Variants in EIPR1 observed in about 807,000 individuals in gnomAD.
EIPR1 encodes EARP complex and GARP complex interacting protein 1, also known as EARP and GARP complex-interacting protein 1.
A neutral mutation model predicts 48.1 loss-of-function variants in EIPR1; 25 were observed. The observed-to-expected ratio is 0.52, with a 90% CI of 0.38 to 0.73. EIPR1 has a LOEUF of 0.73. EIPR1 is among the 30% of genes least tolerant of loss of function. The pLI is 0.00. For missense variants in EIPR1, 415 were observed against 506.2 expected, an observed-to-expected ratio of 0.82 and a Z score of 1.73; for synonymous variants, 204 against 201.9, an observed-to-expected ratio of 1.01 and a Z score of -0.09.
chr2:3,189,584 G>A lies in EIPR1; in HGVS notation c.990-76C>T. Reference sequence around the variant, plus strand: ...CAGGAGAGGGGCAGGGAGGACGCGAGCGCTGACATCGGGAGACACGGGAGG... The same window carrying A: ...CAGGAGAGGGGCAGGGAGGACGCGAACGCTGACATCGGGAGACACGGGAGG... On this transcript the variant is annotated intron_variant, in intron 8 of 8. Coordinates refer to ENST00000382125, the MANE Select transcript of EIPR1 (RefSeq NM_003310.5). The surrounding 1 kb of genome is among the most constrained non-coding windows in gnomAD (Gnocchi z 4.6). 1 of 1,388,762 alleles carries A rather than the reference G, an allele frequency of 7.2e-7. No homozygotes were observed. Among genetic ancestry groups the A allele is most frequent in the Non-Finnish European group, 9.6e-7 (1 of 1,041,008 alleles). 86.0% of individuals were successfully genotyped at this position (1,388,762 alleles called of 1,614,324 possible).
intron 3 of EIPR1, among the ~76,000 whole-genome samples, chr2:3,322,507 A>C (rs1572441748): frequency 6.6e-6 from 1 of 152,354 alleles, no homozygotes; most frequent in East Asian, 1.9e-4. Flanking sequence ...TACAAAGTTC[A>C]GGTGTCAGAG....
intron 4 of EIPR1, among the ~76,000 whole-genome samples, chr2:3,217,430 A>C (rs1665675862): frequency 1.3e-5 from 2 of 152,360 alleles, no homozygotes; most frequent in South Asian, 4.1e-4. Flanking sequence ...TTGATGTTTA[A>C]CTTCAATAAA....
intron 1 of EIPR1, among the ~76,000 whole-genome samples, chr2:3,364,625 AC>A (rs1328213251): frequency 5.3e-5 from 8 of 149,858 alleles, no homozygotes; most frequent in African/African-American, 2.0e-4. Context: ...ACAGAGTGAG[AC>A]CCTCCCTGTC....
At chr2:3,376,276 A>T (rs1435688705) in intron 1 of EIPR1, among the ~76,000 whole-genome samples, 1 of 152,158 alleles carries the variant, frequency 6.6e-6, no homozygotes, top group African/African-American at 2.4e-5. Flanking sequence ...TTTTATTGGC[A>T]AGGAAACCGA....
At chr2:3,224,337 C>T (rs996579029) in intron 4 of EIPR1, among the ~76,000 whole-genome samples, 12 of 152,242 alleles carry the variant, frequency 7.9e-5, no homozygotes, top group Non-Finnish European at 5.9e-5. Context: ...CCGGCACTTA[C>T]GCAGCTCCTA....
chr2:3,246,215 C>A (rs949479203), intron 4 of EIPR1, among the ~76,000 whole-genome samples: 2 of 152,218 alleles, frequency 1.3e-5, no homozygotes, highest in South Asian at 2.1e-4. Context: ...TTTCTTACTA[C>A]TTATCCTCAA....
intron 3 of EIPR1, among the ~76,000 whole-genome samples, chr2:3,271,938 G>A (rs1200186993): frequency 6.6e-6 from 1 of 152,262 alleles, no homozygotes; most frequent in Non-Finnish European, 1.5e-5. Flanking sequence ...GTTGTTTAGT[G>A]TTCTGAAGTG....
At chr2:3,270,607 T>C (rs919508717) in intron 3 of EIPR1, among the ~76,000 whole-genome samples, 1 of 152,244 alleles carries the variant, frequency 6.6e-6, no homozygotes, top group African/African-American at 2.4e-5. Flanking sequence ...GACACTATAA[T>C]GCAGTCAAGT....
chr2:3,192,818 A>G (rs1664655579), intron 7 of EIPR1, among the ~76,000 whole-genome samples: 1 of 152,006 alleles, frequency 6.6e-6, no homozygotes, highest in African/African-American at 2.4e-5. Context: ...GCTGAAACCT[A>G]CAGGAGGAGA....
intron 3 of EIPR1, among the ~76,000 whole-genome samples, chr2:3,292,727 C>A (rs1668406955): frequency 6.6e-6 from 1 of 152,148 alleles, no homozygotes; most frequent in Non-Finnish European, 1.5e-5. Context: ...AAGCTCTCAT[C>A]TACATTACGG....
chr2:3,286,921 C>T lies in EIPR1; in HGVS notation c.260-29466G>A, dbSNP rs1442113377. Among the ~76,000 whole-genome samples the T allele has an allele frequency of 6.7e-6, 1 of 148,456 alleles. No individual in the cohort carries two copies. Among genetic ancestry groups the T allele is most frequent in the Non-Finnish European group, 1.5e-5 (1 of 67,276 alleles). On this transcript the variant is annotated intron_variant, in intron 3 of 8. Transcript: ENST00000382125. This position sits in a 1 kb window ranked among gnomAD's most constrained non-coding sequence, Gnocchi z 4.2. The stretch of plus-strand genomic sequence containing the variant: ...GGTGGGGAGCACACAGAGTGCCAGC[C>T]GGCAGAGGGGGCGGTGGGGAGCACA...
chr2:3,293,122 T>C (rs1668419286), intron 3 of EIPR1, among the ~76,000 whole-genome samples: 1 of 152,160 alleles, frequency 6.6e-6, no homozygotes, highest in Non-Finnish European at 1.5e-5. Flanking sequence ...CAGAACAATC[T>C]CGACAAACTA....
intron 3 of EIPR1, among the ~76,000 whole-genome samples, chr2:3,260,490 C>CAAAA (rs1404867283): frequency 1.8e-4 from 16 of 89,132 alleles, no homozygotes; most frequent in African/African-American, 4.7e-5. Flanking sequence ...GACTCCATCT[C>CAAAA]AAAAAATGAA....
intron 4 of EIPR1, among the ~76,000 whole-genome samples, chr2:3,255,258 C>G (rs975136288): frequency 6.6e-6 from 1 of 151,548 alleles, no homozygotes; most frequent in African/African-American, 2.4e-5. Context: ...TCTCAGCTCA[C>G]TGCAACCTCC....
At chr2:3,231,402 G>A (rs898276648) in intron 4 of EIPR1, among the ~76,000 whole-genome samples, 2 of 152,174 alleles carry the variant, frequency 1.3e-5, no homozygotes, top group African/African-American at 4.8e-5. Context: ...GCAAGAGTGG[G>A]CATCCTTGTC....
At chr2:3,363,171 AC>A (rs112787088) in intron 1 of EIPR1, among the ~76,000 whole-genome samples, 24,601 of 152,064 alleles carry the variant, frequency 0.16, 2,222 homozygotes, top group Non-Finnish European at 0.21. Flanking sequence ...ATCCTGCTGG[AC>A]CAGGAAAAGA....
chr2:3,206,955 A>G (rs1309630299), intron 5 of EIPR1, among the ~76,000 whole-genome samples: 1 of 152,126 alleles, frequency 6.6e-6, no homozygotes, highest in African/African-American at 2.4e-5. Context: ...TGTAATGATC[A>G]TTCGCTGGCT....
intron 3 of EIPR1, among the ~76,000 whole-genome samples, chr2:3,329,012 G>A (rs1332659007): frequency 4.5e-5 from 4 of 89,452 alleles, no homozygotes; most frequent in African/African-American, 1.7e-4. Context: ...TGATCTCAGG[G>A]TGCCAGCCTG....
chr2:3,274,357 A>G, intron 3 of EIPR1: 1 of 1,550,602 alleles, frequency 6.4e-7, no homozygotes, highest in South Asian at 1.2e-5. Context: ...AGTGCTATGA[A>G]CAGTTGGGCA....
Sources: gnomAD v4.1 joint callset for allele counts (sites outside exome capture counted in the v4.1 genomes callset) on GRCh38, gnomAD v4.1.1 for gene constraint, Gnocchi (gnomAD v3.1) non-coding constraint, MANE v1.5 for transcripts, NCBI Gene and HGNC (gene_info 2026-07-23, HGNC 2026-07-21) for gene names.